Variants in FOXP1 observed in about 807,000 individuals in gnomAD.
The protein encoded by FOXP1 is forkhead box P1, also known as forkhead box protein P1.
A neutral mutation model predicts 98.2 loss-of-function variants in FOXP1; 15 were observed. The observed-to-expected ratio is 0.15, with a 90% CI of 0.10 to 0.24. The LOEUF (loss-of-function observed/expected upper bound fraction) is 0.24, where lower values mean the gene tolerates loss of function less well. FOXP1 is among the 10% of genes least tolerant of loss of function. The pLI, the probability that FOXP1 is intolerant of heterozygous loss-of-function variation, is 1.00. For synonymous variants in FOXP1, 371 were observed against 314.5 expected (o/e 1.18, Z -1.90); for missense variants, 633 against 848.5 (o/e 0.75, Z 3.15).
intron 5 of FOXP1, among the ~76,000 whole-genome samples, chr3:71,289,019 C>CTTATTTATTTAT (rs55803418): frequency 0.015 from 2,256 of 148,768 alleles, 25 homozygotes; most frequent in Admixed American, 0.026. Context: ...CAACTCTCTT[C>CTTATTTATTTAT]TTATTTATTT....
At chr3:71,114,871 G>A (rs1168432077) in intron 6 of FOXP1, among the ~76,000 whole-genome samples, 4 of 152,188 alleles carry the variant, frequency 2.6e-5, no homozygotes, top group African/African-American at 9.7e-5. Context: ...CCTTGGAGAC[G>A]CTCAGTACAT....
chr3:70,966,169 G>A (rs2034722009), intron 19 of FOXP1, 113 bp from the exon 20 acceptor site: 2 of 950,814 alleles, frequency 2.1e-6, no homozygotes, highest in Non-Finnish European at 3.3e-6. Context: ...AGCATGGCTG[G>A]CAAATACAAG....
chr3:71,207,299 G>A (rs2064116061), intron 5 of FOXP1, among the ~76,000 whole-genome samples: 1 of 150,476 alleles, frequency 6.6e-6, no homozygotes, highest in Admixed American at 6.6e-5. Flanking sequence ...CACGAGGCCA[G>A]GTTCATAACA....
intron 3 of FOXP1, among the ~76,000 whole-genome samples, chr3:71,448,616 C>A (rs888498519): frequency 6.6e-6 from 1 of 151,946 alleles, no homozygotes; most frequent in Admixed American, 6.5e-5. Flanking sequence ...TAATGGTACC[C>A]GCAAAAAGGA....
intron 7 of FOXP1, among the ~76,000 whole-genome samples, chr3:71,087,059 A>G (rs2055187514): frequency 6.6e-6 from 1 of 152,240 alleles, no homozygotes; most frequent in South Asian, 2.1e-4. Flanking sequence ...AATGCAACTT[A>G]CTATTCAACA....
rs73838176 is a variant in FOXP1 at position 71,124,273 on chromosome 3, C to G, written c.181-11636G>C. Among the ~76,000 whole-genome samples the G allele has an allele frequency of 5.3e-3, 794 of 150,576 alleles. 7 individuals are homozygous for G. Among genetic ancestry groups the G allele is most frequent in the African/African-American group, 0.018 (732 of 41,214 alleles). On this transcript the variant is annotated intron_variant, in intron 6 of 20. Coordinates refer to ENST00000649528, the MANE Select transcript of FOXP1 (RefSeq NM_001349338.3). ...GACAGGCCCAACCTGAAAAAAATTT[C>G]TTTTCAGGTTGGGCCTTTCTCAGTT... is the stretch of plus-strand genomic sequence containing the variant.
At chr3:71,370,270 C>G (rs1560383122) in intron 3 of FOXP1, among the ~76,000 whole-genome samples, 1 of 152,170 alleles carries the variant, frequency 6.6e-6, no homozygotes, top group Non-Finnish European at 1.5e-5. Flanking sequence ...TGCTATTACA[C>G]TCTGCTAAGT....
chr3:71,434,866 A>C (rs2085088731), intron 3 of FOXP1, among the ~76,000 whole-genome samples: 1 of 151,918 alleles, frequency 6.6e-6, no homozygotes, highest in East Asian at 1.9e-4. Flanking sequence ...AAATAGAGAG[A>C]CTCAGAGATT....
At chr3:71,180,426 G>A (rs746200270) in intron 6 of FOXP1, among the ~76,000 whole-genome samples, 4 of 151,814 alleles carry the variant, frequency 2.6e-5, no homozygotes, top group Admixed American at 1.3e-4. Context: ...TCTTTGCCAC[G>A]TGTAAAATCG....
intron 10 of FOXP1, among the ~76,000 whole-genome samples, chr3:71,044,603 G>A (rs2048780234): frequency 6.6e-6 from 1 of 152,176 alleles, no homozygotes; most frequent in African/African-American, 2.4e-5. Context: ...AACTCGGCAA[G>A]GCCATGAACA....
intron 11 of FOXP1, among the ~76,000 whole-genome samples, chr3:71,016,677 ACAC>A (rs1424825451): frequency 8.6e-5 from 13 of 151,756 alleles, no homozygotes; most frequent in African/African-American, 3.1e-4. Flanking sequence ...ACACACACAC[ACAC>A]ACACACACAC....
intron 2 of FOXP1, chr3:71,572,561 C>T (rs1212400776): frequency 6.6e-6 from 1 of 152,148 alleles, no homozygotes; most frequent in Non-Finnish European, 1.5e-5. Context: ...AGGATGCTAT[C>T]AGAACAAACC....
chr3:71,478,682 C>T (rs1296085965), intron 3 of FOXP1, among the ~76,000 whole-genome samples: 1 of 152,238 alleles, frequency 6.6e-6, no homozygotes, highest in Non-Finnish European at 1.5e-5. Context: ...AACCTTCCAA[C>T]TGCAAGTTAC....
chr3:71,064,988 C>T, intron 7 of FOXP1: 1 of 148,536 alleles, frequency 6.7e-6, no homozygotes, highest in Non-Finnish European at 1.4e-5. Context: ...CCACCCGCCC[C>T]GCCCTGCTCC....
intron 6 of FOXP1, among the ~76,000 whole-genome samples, chr3:71,140,079 T>C (rs979120081): frequency 1.3e-5 from 2 of 152,232 alleles, no homozygotes; most frequent in Non-Finnish European, 1.5e-5. Flanking sequence ...ATCTTCTCCA[T>C]TGATCCTAAA....
intron 6 of FOXP1, among the ~76,000 whole-genome samples, chr3:71,151,639 G>C (rs572683797): frequency 6.7e-6 from 1 of 150,248 alleles, no homozygotes; most frequent in Non-Finnish European, 1.5e-5. Flanking sequence ...CCCTTTAGTC[G>C]AGAGGATGCA....
chr3:71,081,989 C>T (rs765373635), intron 7 of FOXP1, among the ~76,000 whole-genome samples: 15 of 152,226 alleles, frequency 9.9e-5, no homozygotes, highest in Non-Finnish European at 1.9e-4. Flanking sequence ...ATAGAATAGA[C>T]GGTGCTGCGC....
chr3:71,405,255 G>C (rs2082237285), intron 3 of FOXP1, among the ~76,000 whole-genome samples: 1 of 152,186 alleles, frequency 6.6e-6, no homozygotes, highest in South Asian at 2.1e-4. Context: ...CTCGCCTATG[G>C]AAAGGGTATA....
intron 5 of FOXP1, among the ~76,000 whole-genome samples, chr3:71,223,729 A>T (rs1426648466): frequency 6.6e-6 from 1 of 151,850 alleles, no homozygotes; most frequent in Non-Finnish European, 1.5e-5. Context: ...ATTTCATTCT[A>T]AAGTACTCGA....
Sources: allele counts gnomAD v4.1 joint callset (sites outside exome capture counted in the v4.1 genomes callset), GRCh38; gene constraint gnomAD v4.1.1; transcripts MANE v1.5; gene names NCBI Gene and HGNC (gene_info 2026-07-23, HGNC 2026-07-21).